MAP2K1: variants seen among roughly 807,000 people sequenced by gnomAD.
MAP2K1 encodes the protein dual specificity mitogen-activated protein kinase kinase 1.
MAP2K1 carries 16 observed loss-of-function variants against 46.3 expected under a neutral mutation model. The ratio of observed to expected loss-of-function variants is 0.35; its 90% CI spans 0.23 to 0.52. MAP2K1 has a LOEUF of 0.52. Among genes scored for constraint, MAP2K1 ranks in the 20% least tolerant of loss-of-function variants. The pLI, the probability that MAP2K1 is intolerant of heterozygous loss-of-function variation, is 0.94. For missense variants in MAP2K1, 263 were observed against 497.1 expected, an observed-to-expected ratio of 0.53 and a Z score of 4.48; for synonymous variants, 183 against 185.6, an observed-to-expected ratio of 0.99 and a Z score of 0.11.
chr15:66,428,231 A>G (rs1193941460), intron 1 of MAP2K1, among the ~76,000 whole-genome samples: 1 of 150,276 alleles, frequency 6.7e-6, no homozygotes, highest in African/African-American at 2.5e-5. Flanking sequence ...CCTTCCCTAT[A>G]TTAGGGTTCA....
chr15:66,436,705 CTT>C lies in MAP2K1; in HGVS notation c.292-39_292-38del, dbSNP rs1483920490. ...CTATATCTTTCATCCCTTCCTCCCTCTTTCTTTCATAAAACCTCTCTTTCTTC... is the reference window on the plus strand; with the variant it reads ...CTATATCTTTCATCCCTTCCTCCCTCTCTTTCATAAAACCTCTCTTTCTTC... On this transcript the variant is annotated intron_variant, in intron 2 of 10. Transcript: ENST00000307102. The C allele has an allele frequency of 3.7e-6, 6 of 1,600,958 alleles. No homozygotes were observed. The Admixed American group carries it at 8.3e-5, about 22-fold the overall frequency.
chr15:66,488,908 A>G (rs1323166734), intron 8 of MAP2K1: 1 of 467,866 alleles, frequency 2.1e-6, no homozygotes, highest in Non-Finnish European at 3.9e-6. Context: ...CATGTCATAG[A>G]AGAGTAAACT....
chr15:66,403,428 G>C (rs1357646915), intron 1 of MAP2K1, among the ~76,000 whole-genome samples: 6 of 152,138 alleles, frequency 3.9e-5, no homozygotes, highest in Non-Finnish European at 8.8e-5. Context: ...TTGATCCTTA[G>C]TAGGAGGGCC....
intron 1 of MAP2K1, among the ~76,000 whole-genome samples, chr15:66,406,070 A>G (rs1303501058): frequency 5.3e-5 from 8 of 152,256 alleles, no homozygotes; most frequent in Admixed American, 4.6e-4. Flanking sequence ...TAGATTTCTA[A>G]CTTGTATGTT....
chr15:66,398,443 G>A (rs1022977944), intron 1 of MAP2K1, among the ~76,000 whole-genome samples: 3 of 151,934 alleles, frequency 2.0e-5, no homozygotes. Context: ...GGGAAAAAAA[G>A]GAGAGTGGTG....
chr15:66,465,111 G>C (rs998299210), intron 5 of MAP2K1, among the ~76,000 whole-genome samples: 4 of 151,990 alleles, frequency 2.6e-5, no homozygotes, highest in African/African-American at 9.7e-5. Flanking sequence ...TGTAATCCCA[G>C]CTACTTGGGA....
intron 5 of MAP2K1, among the ~76,000 whole-genome samples, chr15:66,453,831 T>C (rs1892096879): frequency 6.6e-6 from 1 of 152,156 alleles, no homozygotes; most frequent in Non-Finnish European, 1.5e-5. Flanking sequence ...AGGGTCTTGC[T>C]CTGGTGCCCA....
At chr15:66,465,774 G>T (rs1892449920) in intron 5 of MAP2K1, among the ~76,000 whole-genome samples, 1 of 152,120 alleles carries the variant, frequency 6.6e-6, no homozygotes, top group African/African-American at 2.4e-5. Flanking sequence ...TTTTACTAAA[G>T]ACAAATCATG....
intron 1 of MAP2K1, among the ~76,000 whole-genome samples, chr15:66,408,375 G>A (rs2093403007): frequency 6.6e-6 from 1 of 152,222 alleles, no homozygotes; most frequent in Non-Finnish European, 1.5e-5. Flanking sequence ...TGAAACAGGA[G>A]TCTGCAAAAG....
chr15:66,464,671 A>C (rs1403848195), intron 5 of MAP2K1, among the ~76,000 whole-genome samples: 2 of 151,698 alleles, frequency 1.3e-5, no homozygotes, highest in Non-Finnish European at 2.9e-5. Flanking sequence ...GATTACAGGC[A>C]TGCGCCACCA....
At chr15:66,455,134 G>A (rs1892134278) in intron 5 of MAP2K1, among the ~76,000 whole-genome samples, 1 of 152,168 alleles carries the variant, frequency 6.6e-6, no homozygotes, top group Non-Finnish European at 1.5e-5. Flanking sequence ...CAGAGTCAGT[G>A]CCTCTGAAGA....
intron 5 of MAP2K1, among the ~76,000 whole-genome samples, chr15:66,449,657 G>A (rs28853045): frequency 0.31 from 46,551 of 152,036 alleles, 7,569 homozygotes; most frequent in Admixed American, 0.39. Flanking sequence ...GAGGTGGGTG[G>A]ATCACCTGAG....
chr15:66,472,303 CAA>C (rs60289963), intron 5 of MAP2K1, among the ~76,000 whole-genome samples: 55 of 136,728 alleles, frequency 4.0e-4, no homozygotes, highest in Non-Finnish European at 3.9e-4. Flanking sequence ...GACTTCGTCT[CAA>C]AAAAAAAAAA....
At position 66,482,029 on chromosome 15, in the gene MAP2K1, G is replaced by A. The variant is rs1022068138; in HGVS notation, c.693+150G>A. The A allele has an allele frequency of 1.0e-5, 10 of 997,216 alleles. No individual in the cohort carries two copies. In the African/African-American group the frequency reaches 1.3e-4, roughly 13 times the overall value. 61.8% of individuals were successfully genotyped at this position (997,216 alleles called of 1,614,324 possible). A position where few individuals can be genotyped will look rare whatever the true frequency, so the allele number is the denominator to read the frequency against. ...CAGTGCTCTGCCCTGAGGAGATGAA[G>A]TTGAATGGGAAGATGGTCTTGGTCT... On this transcript the variant is annotated intron_variant, in intron 6 of 10. Transcript: ENST00000307102.
chr15:66,408,955 C>T (rs1021838223), intron 1 of MAP2K1, among the ~76,000 whole-genome samples: 5 of 152,140 alleles, frequency 3.3e-5, no homozygotes, highest in African/African-American at 1.2e-4. Context: ...AGAAGATACT[C>T]CTCTCCAAAG....
intron 5 of MAP2K1, among the ~76,000 whole-genome samples, chr15:66,462,958 CT>C (rs1408406322): frequency 6.6e-6 from 1 of 152,208 alleles, no homozygotes. Context: ...ATTCTGCGTG[CT>C]TTGCACTTGT....
At chr15:66,408,764 A>G (rs1036491431) in intron 1 of MAP2K1, among the ~76,000 whole-genome samples, 12 of 152,040 alleles carry the variant, frequency 7.9e-5, no homozygotes, top group Non-Finnish European at 5.9e-5. Context: ...CTCCACCTCC[A>G]ATATACGTAT....
At chr15:66,421,083 TACACACACATACACACACACACAC>T (rs1265956235) in intron 1 of MAP2K1, among the ~76,000 whole-genome samples, 17 of 75,506 alleles carry the variant, frequency 2.3e-4, no homozygotes, top group African/African-American at 7.8e-4. Context: ...TATATACACA[TACACACACATACACACACACACAC>T]ACACACACAC....
At chr15:66,414,245 G>A (rs2093419214) in intron 1 of MAP2K1, among the ~76,000 whole-genome samples, 1 of 140,654 alleles carries the variant, frequency 7.1e-6, no homozygotes, top group African/African-American at 2.5e-5. Flanking sequence ...CTGTAAGACT[G>A]CCCTTCATAA....
Sources: gnomAD v4.1 joint callset for allele counts (sites outside exome capture counted in the v4.1 genomes callset) on GRCh38, gnomAD v4.1.1 for gene constraint, MANE v1.5 for transcripts, NCBI Gene and HGNC (gene_info 2026-07-23, HGNC 2026-07-21) for gene names.